The following ATP2C2 variants were observed in gnomAD, a reference collection of about 807,000 sequenced individuals.
ATP2C2 encodes the protein ATPase secretory pathway Ca2+ transporting 2.
Under a neutral mutation model 110.8 loss-of-function variants are expected in ATP2C2, and 171 were observed. The ratio of observed to expected loss-of-function variants is 1.54; its 90% CI spans 1.36 to 1.75. The LOEUF is 1.75. Ranked by LOEUF, ATP2C2 falls within the 40% of genes most tolerant of loss-of-function variation. The pLI is 0.00. For missense variants in ATP2C2, 1,963 were observed against 1,235.0 expected, an observed-to-expected ratio of 1.59 and a Z score of -8.84; for synonymous variants, 804 against 508.4, an observed-to-expected ratio of 1.58 and a Z score of -7.82.
chr16:84,390,041 C>T (rs989522692), intron 1 of ATP2C2, among the ~76,000 whole-genome samples: 1 of 152,124 alleles, frequency 6.6e-6, no homozygotes, highest in African/African-American at 2.4e-5. Flanking sequence ...CTTTATCCCA[C>T]GGCAGCCCTG....
intron 15 of ATP2C2, among the ~76,000 whole-genome samples, chr16:84,446,008 G>C (rs115877907): frequency 0.014 from 2,148 of 152,298 alleles, 40 homozygotes; most frequent in African/African-American, 0.049. Flanking sequence ...TGACTCAGGG[G>C]GTTCCGTCTG....
At chr16:84,377,549 G>A (rs934364426) in intron 1 of ATP2C2, among the ~76,000 whole-genome samples, 18 of 152,128 alleles carry the variant, frequency 1.2e-4, no homozygotes, top group South Asian at 6.2e-4. Context: ...GTCTTCATAC[G>A]GTTGTCCTCT....
Position 84,448,516 on chromosome 16 carries a change from CCTTTGTCTTT to C in ATP2C2, c.1504-16_1504-7del. ...GCTTCCAGTGATAGTGGATTTCTTC[CCTTTGTCTTT>C]TCTAAGGATCAGGAAGACATTTACT... On this transcript the variant is annotated splice_polypyrimidine_tract_variant and splice_region_variant and intron_variant, in intron 16 of 26. Coordinates refer to ENST00000262429, the MANE Select transcript of ATP2C2 (RefSeq NM_014861.4). 1 of 1,599,936 alleles carries C rather than the reference CCTTTGTCTTT, an allele frequency of 6.3e-7. No homozygotes were observed. The highest frequency in any genetic ancestry group is 8.5e-7 in the Non-Finnish European group (1 of 1,170,262).
Position 84,379,204 on chromosome 16 carries a change from T to G in ATP2C2, c.99+10490T>G, listed in dbSNP as rs1370410110. 2.0e-5 allele frequency among the ~76,000 whole-genome samples: 3 copies of G among 148,354 alleles called. No individual in the cohort carries two copies. In the East Asian group the frequency reaches 6.2e-4, roughly 31 times the overall value. Reference sequence around the variant, plus strand: ...CCTGTCGTTTCCTTTCCTTTCCTGATAGGGTCTTACTCTGCCATCCAGGCT... The same window carrying G: ...CCTGTCGTTTCCTTTCCTTTCCTGAGAGGGTCTTACTCTGCCATCCAGGCT... On this transcript the variant is annotated intron_variant, in intron 1 of 26. Coordinates refer to ENST00000262429, the MANE Select transcript of ATP2C2 (RefSeq NM_014861.4).
chr16:84,450,621 G>A (rs1002018791), intron 17 of ATP2C2, among the ~76,000 whole-genome samples: 5 of 152,120 alleles, frequency 3.3e-5, no homozygotes, highest in Non-Finnish European at 7.4e-5. Flanking sequence ...CGTCATTGGC[G>A]CAGTGTCATG....
intron 26 of ATP2C2, chr16:84,462,410 C>T: frequency 2.8e-6 from 1 of 357,244 alleles, no homozygotes; most frequent in Non-Finnish European, 5.2e-6. Context: ...GCTGGAGGCT[C>T]AGAGCACGTG....
At chr16:84,459,071 G>C (rs778218767) in intron 21 of ATP2C2, 49 bp from the exon 22 acceptor site, 3 of 1,600,004 alleles carry the variant, frequency 1.9e-6, no homozygotes, top group South Asian at 1.1e-5. Flanking sequence ...CACTGGTCCA[G>C]CCCTCACGCA....
intron 2 of ATP2C2, 151 bp downstream of exon 2, chr16:84,398,760 A>G: frequency 3.2e-6 from 2 of 622,304 alleles, no homozygotes; most frequent in Non-Finnish European, 5.4e-6. Context: ...TGAATGGTTC[A>G]GATTCCACAG....
Position 84,463,646 on chromosome 16 carries a change from G to C in ATP2C2, c.2755G>C (p.Val919Leu). Reference sequence around the variant, plus strand: ...GTTTTTAACTGGATTGGCCTCATCCGTCTTCATTTTGTCAGAGCTCCTCAA... The same window carrying C: ...GTTTTTAACTGGATTGGCCTCATCCCTCTTCATTTTGTCAGAGCTCCTCAA... ...LLFLTGLASSVFILSELLKLC... is the reference protein window; with the variant it reads ...LLFLTGLASSLFILSELLKLC... The change falls in exon 27 of 27, where the codon GTC becomes CTC. Residue 919 changes from valine (V) to leucine (L), a missense_variant. Val to Leu is a conservative substitution (Grantham distance 32). Transcript: ENST00000262429. The C allele has an allele frequency of 1.2e-6, 2 of 1,614,176 alleles. No individual in the cohort carries two copies. Among genetic ancestry groups the C allele is most frequent in the Non-Finnish European group, 1.7e-6 (2 of 1,180,020 alleles).
At chr16:84,437,979 G>A (rs1309352446) in intron 11 of ATP2C2, among the ~76,000 whole-genome samples, 3 of 152,182 alleles carry the variant, frequency 2.0e-5, no homozygotes, top group Non-Finnish European at 4.4e-5. Context: ...CGTGCTCTGA[G>A]TGGCCTTCTA....
intron 21 of ATP2C2, among the ~76,000 whole-genome samples, 190 bp from the exon 22 acceptor site, chr16:84,458,930 G>A (rs897500036): frequency 1.2e-4 from 19 of 152,162 alleles, no homozygotes; most frequent in Non-Finnish European, 2.5e-4. Flanking sequence ...CCCAGTGGCC[G>A]AGGGGCACCT....
intron 7 of ATP2C2, among the ~76,000 whole-genome samples, chr16:84,417,096 G>T (rs952640885): frequency 6.6e-6 from 1 of 152,224 alleles, no homozygotes; most frequent in East Asian, 1.9e-4. Flanking sequence ...TGTGAACCTT[G>T]AGCAAGTTAG....
At chr16:84,459,019 T>G in intron 21 of ATP2C2, 101 bp from the exon 22 acceptor site, 1 of 1,303,150 alleles carries the variant, frequency 7.7e-7, no homozygotes, top group Non-Finnish European at 1.1e-6. Flanking sequence ...AAGTATAACA[T>G]CAATCTGGGC....
At chr16:84,459,765 C>G in intron 23 of ATP2C2, 1 of 587,304 alleles carries the variant, frequency 1.7e-6, no homozygotes. Context: ...GAGGAAGATA[C>G]ACACAGACAC....
At chr16:84,417,857 T>TG (rs1480944560) in intron 7 of ATP2C2, among the ~76,000 whole-genome samples, 1 of 152,258 alleles carries the variant, frequency 6.6e-6, no homozygotes, top group Non-Finnish European at 1.5e-5. Flanking sequence ...GCCTATTCAG[T>TG]GGAAAATGCT....
chr16:84,377,108 T>A (rs1025235121), intron 1 of ATP2C2, among the ~76,000 whole-genome samples: 1 of 151,950 alleles, frequency 6.6e-6, no homozygotes, highest in East Asian at 1.9e-4. Context: ...ACTGAGTGAG[T>A]AGTGGAAGCC....
At chr16:84,442,762 GGT>G (rs200863772) in intron 15 of ATP2C2, among the ~76,000 whole-genome samples, 163 bp downstream of exon 15, 4,041 of 152,242 alleles carry the variant, frequency 0.027, 79 homozygotes, top group South Asian at 0.055. Context: ...TGGTGGAGGA[GGT>G]GAGCTCTGAG....
intron 1 of ATP2C2, among the ~76,000 whole-genome samples, chr16:84,381,751 T>G (rs988348092): frequency 2.9e-4 from 44 of 152,220 alleles, no homozygotes; most frequent in African/African-American, 9.9e-4. Flanking sequence ...ACCCGTTTCC[T>G]GCCGACAGTT....
intron 23 of ATP2C2, chr16:84,460,300 G>T (rs1911161340): frequency 1.4e-5 from 5 of 348,150 alleles, no homozygotes; most frequent in South Asian, 1.3e-4. Context: ...CTGATGAGGG[G>T]CTCTGCGGAG....
Sources: allele counts gnomAD v4.1 joint callset (sites outside exome capture counted in the v4.1 genomes callset), GRCh38; gene constraint gnomAD v4.1.1; transcripts MANE v1.5; gene names NCBI Gene and HGNC (gene_info 2026-07-23, HGNC 2026-07-21).